Variants in NEK7 observed in about 807,000 individuals in gnomAD.
NEK7 encodes NIMA related kinase 7.
A neutral mutation model predicts 44.6 loss-of-function variants in NEK7; 18 were observed. The ratio of observed to expected loss-of-function variants is 0.40; its 90% confidence interval spans 0.28 to 0.60. The LOEUF (loss-of-function observed/expected upper bound fraction) is 0.60. NEK7 is among the 20% of genes least tolerant of loss of function. The pLI is 0.38. For missense variants in NEK7, 256 were observed against 366.5 expected (o/e 0.70, Z 2.46); for synonymous variants, 130 against 121.1 (o/e 1.07, Z -0.48).
Position 198,312,425 on chromosome 1 carries a change from C to T in NEK7, c.799-6987C>T, listed in dbSNP as rs1360691641. The stretch of plus-strand genomic sequence containing the variant: ...CATTAATTTTTTGAAGGGTTTTTTG[C>T]GTCTCTATTTCCTTCAGTTCTGCTC... On this transcript the variant is annotated intron_variant, in intron 9 of 9. Coordinates refer to ENST00000367385, the MANE Select transcript of NEK7 (RefSeq NM_133494.3). Among the ~76,000 whole-genome samples, 82 of 148,816 alleles carry T rather than the reference C, an allele frequency of 5.5e-4. 1 individual carries two copies. Among genetic ancestry groups the T allele is most frequent in the Admixed American group, 1.9e-3 (28 of 14,822 alleles).
chr1:198,158,334 AAAC>A (rs1381114895), intron 1 of NEK7, among the ~76,000 whole-genome samples: 1 of 152,236 alleles, frequency 6.6e-6, no homozygotes, highest in African/African-American at 2.4e-5. Flanking sequence ...ATGCAATTGA[AAAC>A]ACCACATTTC....
At chr1:198,198,267 A>G in intron 1 of NEK7, 1 of 533,066 alleles carries the variant, frequency 1.9e-6, no homozygotes. Flanking sequence ...TTAGAAGGGA[A>G]CCCCCCATGT....
chr1:198,295,027 C>A (rs962396513), intron 8 of NEK7, among the ~76,000 whole-genome samples: 1 of 151,678 alleles, frequency 6.6e-6, no homozygotes, highest in East Asian at 1.9e-4. Context: ...ACGTAGGAAG[C>A]CTTTTTTGAA....
At chr1:198,317,874 T>TTTA (rs1484320825) in intron 9 of NEK7, among the ~76,000 whole-genome samples, 1 of 74,930 alleles carries the variant, frequency 1.3e-5, no homozygotes, top group Non-Finnish European at 2.4e-5. Flanking sequence ...ACTGGATATA[T>TTTA]TTATTTTTTT....
chr1:198,157,592 G>C (rs1296851488), intron 1 of NEK7, among the ~76,000 whole-genome samples: 2 of 152,258 alleles, frequency 1.3e-5, no homozygotes, highest in African/African-American at 4.8e-5. Context: ...CAGGTCTTTG[G>C]TTTCGGGACC....
At chr1:198,232,252 G>C (rs1274808031) in intron 1 of NEK7, among the ~76,000 whole-genome samples, 1 of 152,092 alleles carries the variant, frequency 6.6e-6, no homozygotes, top group African/African-American at 2.4e-5. Flanking sequence ...ATAGTGGCAG[G>C]GTAGAGGAAA....
At chr1:198,287,715 G>T (rs1654419560) in intron 7 of NEK7, among the ~76,000 whole-genome samples, 1 of 151,244 alleles carries the variant, frequency 6.6e-6, no homozygotes, top group African/African-American at 2.4e-5. Flanking sequence ...AAATGAGACA[G>T]ATTTTTGCTT....
At chr1:198,299,988 T>C (rs1184226402) in intron 9 of NEK7, among the ~76,000 whole-genome samples, 2 of 152,172 alleles carry the variant, frequency 1.3e-5, no homozygotes, top group African/African-American at 2.4e-5. Context: ...AGTCTTAGTG[T>C]GTACAAATAA....
chr1:198,274,762 T>C lies in NEK7; in HGVS notation c.373-3199T>C, dbSNP rs543874444. On this transcript the variant is annotated intron_variant, in intron 5 of 9. Coordinates refer to ENST00000367385, the MANE Select transcript of NEK7 (RefSeq NM_133494.3). Reference sequence around the variant, plus strand: ...TCAAAAATGATACTTAGATATTCACTGTCCACTATATAATTGGATTTGGTC... The same window carrying C: ...TCAAAAATGATACTTAGATATTCACCGTCCACTATATAATTGGATTTGGTC... 1.3e-3 allele frequency among the ~76,000 whole-genome samples: 192 copies of C among 151,900 alleles called. 1 individual carries two copies. The highest frequency in any genetic ancestry group is 2.1e-3 in the Non-Finnish European group (141 of 67,728).
intron 1 of NEK7, among the ~76,000 whole-genome samples, chr1:198,216,972 A>G (rs1665939630): frequency 6.6e-6 from 1 of 152,042 alleles, no homozygotes; most frequent in South Asian, 2.1e-4. Context: ...AACAACTGCC[A>G]AGAAAAATAA....
chr1:198,297,344 G>A (rs1654742715), intron 9 of NEK7, 104 bp downstream of exon 9: 1 of 1,410,248 alleles, frequency 7.1e-7, no homozygotes, highest in Admixed American at 2.0e-5. Context: ...GAATGGTATA[G>A]GTAGCAGAAC....
At chr1:198,246,791 A>G (rs1005193026) in intron 2 of NEK7, among the ~76,000 whole-genome samples, 1 of 152,236 alleles carries the variant, frequency 6.6e-6, no homozygotes, top group Admixed American at 6.5e-5. Flanking sequence ...AAAGTATCTG[A>G]ATTGTTTGAT....
At chr1:198,171,208 C>A (rs936665964) in intron 1 of NEK7, among the ~76,000 whole-genome samples, 1 of 151,994 alleles carries the variant, frequency 6.6e-6, no homozygotes, top group African/African-American at 2.4e-5. Flanking sequence ...ATAAATAGAA[C>A]CCTCTGTAAT....
chr1:198,318,655 G>A (rs1655445340), intron 9 of NEK7, among the ~76,000 whole-genome samples: 2 of 152,046 alleles, frequency 1.3e-5, no homozygotes, highest in African/African-American at 2.4e-5. Flanking sequence ...ATGACACATA[G>A]TTTCATAAAC....
At position 198,255,107 on chromosome 1, in the gene NEK7, G is replaced by A. The variant is rs531225120; in HGVS notation, c.198+1927G>A. 1.2e-4 allele frequency among the ~76,000 whole-genome samples: 18 copies of A among 152,260 alleles called. No homozygotes were observed. In the East Asian group the frequency reaches 3.1e-3, roughly 26 times the overall value. ...TCACAGAATGGAGATGTCAATTTGAGCTGTTGGAATTGGTGGAATTGGAAC... is the reference window on the plus strand; with the variant it reads ...TCACAGAATGGAGATGTCAATTTGAACTGTTGGAATTGGTGGAATTGGAAC... On this transcript the variant is annotated intron_variant, in intron 3 of 9. Transcript: ENST00000367385.
chr1:198,196,772 G>A (rs1665250623), intron 1 of NEK7, among the ~76,000 whole-genome samples: 1 of 152,204 alleles, frequency 6.6e-6, no homozygotes, highest in Admixed American at 6.5e-5. Flanking sequence ...TCCAGGTTAT[G>A]TGGTTAAGTC....
intron 1 of NEK7, among the ~76,000 whole-genome samples, chr1:198,212,326 C>T (rs183716938): frequency 1.3e-5 from 2 of 152,350 alleles, no homozygotes; most frequent in South Asian, 2.1e-4. Flanking sequence ...GGCATATGGC[C>T]TGGGGGCAGT....
intron 2 of NEK7, among the ~76,000 whole-genome samples, chr1:198,239,884 C>G (rs1666636623): frequency 6.6e-6 from 1 of 152,132 alleles, no homozygotes; most frequent in Non-Finnish European, 1.5e-5. Flanking sequence ...TACTACACAC[C>G]TAGGCTATAT....
chr1:198,295,904 T>C (rs1259446971), intron 8 of NEK7, among the ~76,000 whole-genome samples: 1 of 146,196 alleles, frequency 6.8e-6, no homozygotes, highest in Non-Finnish European at 1.5e-5. Flanking sequence ...AGATTGTTTT[T>C]AACTTTTTTC....
Sources: allele counts gnomAD v4.1 joint callset (sites outside exome capture counted in the v4.1 genomes callset), GRCh38; gene constraint gnomAD v4.1.1; transcripts MANE v1.5; gene names NCBI Gene and HGNC (gene_info 2026-07-23, HGNC 2026-07-21).